Variants in LYPD6B observed in about 807,000 individuals in gnomAD.
The protein encoded by LYPD6B is ly6/PLAUR domain-containing protein 6B.
In LYPD6B, 17 loss-of-function variants were observed where a neutral mutation model predicts 22.8. The ratio of observed to expected loss-of-function variants is 0.75; its 90% CI spans 0.51 to 1.12. The LOEUF (loss-of-function observed/expected upper bound fraction) is 1.12, where lower values mean the gene tolerates loss of function less well. LYPD6B is among the 50% of genes most tolerant of loss of function. The pLI is 0.00. For missense variants in LYPD6B, 221 were observed against 258.3 expected (o/e 0.86, Z 0.99); for synonymous variants, 106 against 91.6 (o/e 1.16, Z -0.90).
chr2:149,087,018 T>TA lies in LYPD6B; in HGVS notation c.-66-43858dup, dbSNP rs879669919. On this transcript the variant is annotated intron_variant, in intron 1 of 6. Transcript: ENST00000409642. ...TGAAGTAAGAAGGTATTTTTTTTTT[T>TA]AAAAAAACCCTATCTCCAAATACAG... Among the ~76,000 whole-genome samples, 457 of 151,602 alleles carry TA rather than the reference T, an allele frequency of 3.0e-3. 2 individuals are homozygous for TA. The highest frequency in any genetic ancestry group is 7.1e-3 in the South Asian group (34 of 4,790).
In LYPD6B at chr2:149,160,855, C is replaced by T; in HGVS notation, c.77+20C>T. ...CTCAAGGTAAGAATGGCAGCTGTTA[C>T]AACAGCCCTCGGCTTTTCATTTGGG... On this transcript the variant is annotated intron_variant, in intron 3 of 6. Transcript: ENST00000409642. The T allele has an allele frequency of 6.6e-7, 1 of 1,523,790 alleles. No individual in the cohort carries two copies. The highest frequency in any genetic ancestry group is 8.9e-7 in the Non-Finnish European group (1 of 1,122,828). 94.4% of individuals were successfully genotyped at this position (1,523,790 alleles called of 1,614,324 possible).
intron 3 of LYPD6B, among the ~76,000 whole-genome samples, chr2:149,171,444 C>A (rs2105929893): frequency 1.3e-5 from 2 of 152,160 alleles, no homozygotes; most frequent in East Asian, 3.9e-4. Flanking sequence ...CTGCAAAATT[C>A]CCCTTCCCTT....
intron 2 of LYPD6B, among the ~76,000 whole-genome samples, chr2:149,137,044 AGTT>A (rs1040403118): frequency 2.6e-5 from 4 of 152,206 alleles, no homozygotes; most frequent in Non-Finnish European, 5.9e-5. Flanking sequence ...GGCAATGAGT[AGTT>A]GTGTTCTGAA....
intron 1 of LYPD6B, among the ~76,000 whole-genome samples, chr2:149,124,403 G>T (rs1216333149): frequency 1.3e-5 from 2 of 152,174 alleles, no homozygotes; most frequent in African/African-American, 2.4e-5. Flanking sequence ...CCACGTAAAG[G>T]TGTGTTTAGT....
At chr2:149,190,711 G>T (rs1315714887) in intron 3 of LYPD6B, among the ~76,000 whole-genome samples, 1 of 152,056 alleles carries the variant, frequency 6.6e-6, no homozygotes, top group African/African-American at 2.4e-5. Context: ...TATGAAATGT[G>T]TATTAATTTT....
At chr2:149,150,899 C>T (rs576905619) in intron 2 of LYPD6B, among the ~76,000 whole-genome samples, 27 of 108,344 alleles carry the variant, frequency 2.5e-4, no homozygotes, top group Admixed American at 7.7e-4. Context: ...TTTAACCCTT[C>T]TACTGATTTT....
chr2:149,177,712 G>A (rs1227868970), intron 3 of LYPD6B, among the ~76,000 whole-genome samples: 1 of 152,150 alleles, frequency 6.6e-6, no homozygotes, highest in African/African-American at 2.4e-5. Context: ...AGCAACTTTA[G>A]CAGGCGATGT....
intron 6 of LYPD6B, among the ~76,000 whole-genome samples, chr2:149,213,742 A>T (rs1347127285): frequency 6.6e-6 from 1 of 152,178 alleles, no homozygotes; most frequent in Non-Finnish European, 1.5e-5. Flanking sequence ...GGTAGCTTTT[A>T]CAAGCTCTGC....
intron 1 of LYPD6B, among the ~76,000 whole-genome samples, chr2:149,105,010 A>G (rs1175877957): frequency 1.3e-5 from 2 of 152,214 alleles, no homozygotes; most frequent in Non-Finnish European, 1.5e-5. Context: ...TGGGATAATT[A>G]TCATATCCAT....
intron 3 of LYPD6B, among the ~76,000 whole-genome samples, chr2:149,163,814 G>A (rs956176374): frequency 6.6e-6 from 1 of 152,094 alleles, no homozygotes; most frequent in African/African-American, 2.4e-5. Context: ...GCTCTAACCT[G>A]GGGGGTCAAC....
intron 2 of LYPD6B, among the ~76,000 whole-genome samples, chr2:149,157,588 T>C (rs1689791310): frequency 6.6e-6 from 1 of 152,214 alleles, no homozygotes; most frequent in African/African-American, 2.4e-5. Flanking sequence ...TTGTTGACTT[T>C]CTCTGGACAT....
chr2:149,143,559 T>C (rs1435688773), intron 2 of LYPD6B, among the ~76,000 whole-genome samples: 1 of 147,704 alleles, frequency 6.8e-6, no homozygotes, highest in Non-Finnish European at 1.5e-5. Flanking sequence ...CCTAAAACAA[T>C]GACAAGGGAA....
intron 5 of LYPD6B, among the ~76,000 whole-genome samples, chr2:149,211,064 G>C (rs1693822222): frequency 6.6e-6 from 1 of 152,160 alleles, no homozygotes; most frequent in African/African-American, 2.4e-5. Flanking sequence ...GAGGGAATGA[G>C]GCATCTCACA....
At chr2:149,105,083 T>C (rs550988875) in intron 1 of LYPD6B, among the ~76,000 whole-genome samples, 10 of 152,304 alleles carry the variant, frequency 6.6e-5, no homozygotes, top group African/African-American at 7.2e-5. Flanking sequence ...ATCCAATTGC[T>C]CCAGCACCAT....
intron 3 of LYPD6B, among the ~76,000 whole-genome samples, chr2:149,194,330 T>C (rs1167566654): frequency 6.6e-6 from 1 of 152,220 alleles, no homozygotes; most frequent in Non-Finnish European, 1.5e-5. Flanking sequence ...AATGCTTTGG[T>C]CCAGAGTGGC....
intron 2 of LYPD6B, among the ~76,000 whole-genome samples, chr2:149,157,579 T>G (rs1012059167): frequency 6.6e-6 from 1 of 152,228 alleles, no homozygotes; most frequent in African/African-American, 2.4e-5. Flanking sequence ...GGTTGTTTTT[T>G]GTTGACTTTC....
At chr2:149,104,811 A>G (rs556361841) in intron 1 of LYPD6B, among the ~76,000 whole-genome samples, 5 of 152,200 alleles carry the variant, frequency 3.3e-5, no homozygotes, top group African/African-American at 1.2e-4. Flanking sequence ...ATTTTCTCCT[A>G]TATTTTCTTC....
intron 3 of LYPD6B, among the ~76,000 whole-genome samples, chr2:149,199,994 A>C (rs1037893569): frequency 1.3e-5 from 2 of 152,216 alleles, no homozygotes; most frequent in Admixed American, 6.5e-5. Context: ...TTTTCTGGCC[A>C]ATTTCCCTTT....
At chr2:149,176,244 T>A (rs1691297585) in intron 3 of LYPD6B, among the ~76,000 whole-genome samples, 1 of 152,210 alleles carries the variant, frequency 6.6e-6, no homozygotes, top group South Asian at 2.1e-4. Flanking sequence ...ATGCTGTTCA[T>A]CCTTGACTAA....
Sources: allele counts gnomAD v4.1 joint callset (sites outside exome capture counted in the v4.1 genomes callset), GRCh38; gene constraint gnomAD v4.1.1; transcripts MANE v1.5; gene names NCBI Gene and HGNC (gene_info 2026-07-23, HGNC 2026-07-21).